ARL15: variants seen among roughly 807,000 people sequenced by gnomAD.
ARL15 encodes the protein ARF like GTPase 15.
In ARL15, 19 loss-of-function variants were observed where a neutral mutation model predicts 25.2. The observed-to-expected ratio is 0.75, with a 90% CI of 0.53 to 1.10. ARL15 has a LOEUF of 1.10. ARL15 is among the 50% of genes least tolerant of loss of function. ARL15 has a pLI of 0.00. For synonymous variants in ARL15, 94 were observed against 86.8 expected (o/e 1.08, Z -0.46); for missense variants, 220 against 246.0 (o/e 0.89, Z 0.71).
At chr5:53,898,666 C>T (rs1260302985) in intron 4 of ARL15, among the ~76,000 whole-genome samples, 4 of 151,770 alleles carry the variant, frequency 2.6e-5, no homozygotes, top group African/African-American at 4.8e-5. Flanking sequence ...CCCCTACCCC[C>T]GACAGACCTC....
At chr5:54,190,528 C>T (rs537486896) in intron 1 of ARL15, among the ~76,000 whole-genome samples, 1 of 152,222 alleles carries the variant, frequency 6.6e-6, no homozygotes, top group Admixed American at 6.5e-5. Context: ...CTGGAAAGTC[C>T]AGGATCAAAG....
chr5:54,004,782 T>G (rs4334835), intron 4 of ARL15, among the ~76,000 whole-genome samples: 41,859 of 148,538 alleles, frequency 0.28, 5,964 homozygotes, highest in East Asian at 0.45. Flanking sequence ...ATTTTGTGTG[T>G]GTGTGCCTGT....
At chr5:54,302,000 G>A (rs1289248523) in intron 1 of ARL15, among the ~76,000 whole-genome samples, 1 of 152,186 alleles carries the variant, frequency 6.6e-6, no homozygotes, top group Non-Finnish European at 1.5e-5. Context: ...GAGCCAAAGG[G>A]CAGAACACCT....
At chr5:54,147,645 T>G (rs1753949224) in intron 3 of ARL15, among the ~76,000 whole-genome samples, 1 of 152,166 alleles carries the variant, frequency 6.6e-6, no homozygotes. Flanking sequence ...GTGCTGTCAT[T>G]TTCCTTTGCC....
chr5:53,906,533 TTC>T (rs1745254868), intron 4 of ARL15, among the ~76,000 whole-genome samples: 1 of 152,194 alleles, frequency 6.6e-6, no homozygotes. Flanking sequence ...GAACTAACTA[TTC>T]TCTTTCTTGT....
At chr5:54,141,966 A>T (rs951943517) in intron 3 of ARL15, among the ~76,000 whole-genome samples, 16 of 152,144 alleles carry the variant, frequency 1.1e-4, no homozygotes, top group African/African-American at 3.9e-4. Context: ...TTATCCATTC[A>T]CCAATTGATG....
At chr5:53,894,142 G>A (rs1163555296) in intron 4 of ARL15, among the ~76,000 whole-genome samples, 1 of 152,144 alleles carries the variant, frequency 6.6e-6, no homozygotes, top group African/African-American at 2.4e-5. Flanking sequence ...AAGATGGTAA[G>A]TACAAAAGTA....
At chr5:54,175,841 G>T (rs1429474198) in intron 1 of ARL15, among the ~76,000 whole-genome samples, 1 of 151,778 alleles carries the variant, frequency 6.6e-6, no homozygotes, top group Non-Finnish European at 1.5e-5. Flanking sequence ...TTGTAGAGAT[G>T]GGGTTTCACC....
intron 1 of ARL15, among the ~76,000 whole-genome samples, chr5:54,184,249 TA>T (rs370187848): frequency 0.29 from 31,951 of 110,634 alleles, 4,416 homozygotes; most frequent in African/African-American, 0.37. Flanking sequence ...TAAAGTATAA[TA>T]AAAAAAAAAT....
At chr5:53,912,173 A>C (rs1381986311) in intron 4 of ARL15, 1 of 152,040 alleles carries the variant, frequency 6.6e-6, no homozygotes, top group Non-Finnish European at 1.5e-5. Flanking sequence ...ACTAATCCTC[A>C]CGTCAGTCCA....
At chr5:53,963,461 T>TA (rs1231766213) in intron 4 of ARL15, among the ~76,000 whole-genome samples, 1 of 152,128 alleles carries the variant, frequency 6.6e-6, no homozygotes, top group African/African-American at 2.4e-5. Context: ...ATGAATTTCA[T>TA]AAAAAATAAA....
intron 1 of ARL15, among the ~76,000 whole-genome samples, chr5:54,234,399 T>A (rs1756748834): frequency 6.6e-6 from 1 of 152,136 alleles, no homozygotes; most frequent in Admixed American, 6.5e-5. Flanking sequence ...GGAGCCTTAA[T>A]AATTATCAAT....
At chr5:54,283,445 C>T (rs1045857660) in intron 1 of ARL15, among the ~76,000 whole-genome samples, 5 of 152,344 alleles carry the variant, frequency 3.3e-5, no homozygotes, top group South Asian at 2.1e-4. Flanking sequence ...CAAATATCAA[C>T]GGTGCTATTG....
intron 4 of ARL15, among the ~76,000 whole-genome samples, chr5:54,079,055 A>G (rs1228996718): frequency 6.6e-6 from 1 of 152,214 alleles, no homozygotes; most frequent in East Asian, 1.9e-4. Context: ...AACGATATTT[A>G]CAGATTAATA....
chr5:54,060,787 T>C (rs1253558324), intron 4 of ARL15, among the ~76,000 whole-genome samples: 2 of 152,194 alleles, frequency 1.3e-5, no homozygotes, highest in African/African-American at 4.8e-5. Context: ...CCCTAGAGAT[T>C]TGTGGAACTT....
At chr5:54,020,158 C>T (rs1351870542) in intron 4 of ARL15, among the ~76,000 whole-genome samples, 1 of 151,988 alleles carries the variant, frequency 6.6e-6, no homozygotes. Flanking sequence ...CAGTGGTGAC[C>T]CTCCCCCTCT....
intron 4 of ARL15, among the ~76,000 whole-genome samples, chr5:54,066,329 T>C (rs57137430): frequency 0.088 from 13,448 of 152,202 alleles, 821 homozygotes; most frequent in African/African-American, 0.16. Context: ...AGTATACTCA[T>C]AAGGAGGCCA....
chr5:54,260,437 T>C (rs1434127421), intron 1 of ARL15, among the ~76,000 whole-genome samples: 2 of 152,206 alleles, frequency 1.3e-5, no homozygotes, highest in Non-Finnish European at 2.9e-5. Context: ...TCTATGCTGT[T>C]CAGAGTCTGG....
chr5:54,205,331 C>A (rs1755837759), intron 1 of ARL15, among the ~76,000 whole-genome samples: 1 of 152,112 alleles, frequency 6.6e-6, no homozygotes, highest in Non-Finnish European at 1.5e-5. Flanking sequence ...CTAACAAGAT[C>A]TGGGATTTGA....
Sources: allele counts gnomAD v4.1 joint callset (sites outside exome capture counted in the v4.1 genomes callset), GRCh38; gene constraint gnomAD v4.1.1; transcripts MANE v1.5; gene names NCBI Gene and HGNC (gene_info 2026-07-23, HGNC 2026-07-21).